The following CACNB2 variants were observed in gnomAD, a reference collection of about 807,000 sequenced individuals.
CACNB2 encodes voltage-dependent L-type calcium channel subunit beta-2.
A neutral mutation model predicts 73.3 loss-of-function variants in CACNB2; 42 were observed. The ratio of observed to expected loss-of-function variants is 0.57; its 90% CI spans 0.45 to 0.74. The LOEUF (loss-of-function observed/expected upper bound fraction) is 0.74. Among genes scored for constraint, CACNB2 ranks in the 30% least tolerant of loss-of-function variants. The pLI, the probability that CACNB2 is intolerant of heterozygous loss-of-function variation, is 0.00. For missense variants in CACNB2, 940 were observed against 853.0 expected (o/e 1.10, Z -1.27); for synonymous variants, 348 against 310.3 (o/e 1.12, Z -1.28).
intron 3 of CACNB2, among the ~76,000 whole-genome samples, chr10:18,470,752 G>A (rs150373360): frequency 0.017 from 2,583 of 152,204 alleles, 32 homozygotes; most frequent in Admixed American, 0.026. Context: ...CACCTGGTAG[G>A]CATTGAGATG....
At chr10:18,466,447 G>A (rs902587323) in intron 3 of CACNB2, among the ~76,000 whole-genome samples, 3 of 151,898 alleles carry the variant, frequency 2.0e-5, no homozygotes, top group Non-Finnish European at 4.4e-5. Context: ...TGCCCAGGCT[G>A]GTCTCAAACT....
rs546314953 is a variant in CACNB2 at position 18,287,641 on chromosome 10, A to G, written c.214-114283A>G. On this transcript the variant is annotated intron_variant, in intron 2 of 13. Transcript: ENST00000324631. Reference sequence around the variant, plus strand: ...CAAGGTGGACAGATCACCTGAGCCCAAGAGTTTAAGACCAGCCTAGGCAAC... The same window carrying G: ...CAAGGTGGACAGATCACCTGAGCCCGAGAGTTTAAGACCAGCCTAGGCAAC... 4.6e-5 allele frequency among the ~76,000 whole-genome samples: 7 copies of G among 152,338 alleles called. No individual in the cohort carries two copies. In the East Asian group the frequency reaches 1.4e-3, roughly 29 times the overall value.
At chr10:18,340,668 A>C in intron 2 of CACNB2, 1 of 1,380,572 alleles carries the variant, frequency 7.2e-7, no homozygotes, top group South Asian at 1.6e-5. Context: ...AGACCCTCCC[A>C]CTTGCGTTTG....
intron 2 of CACNB2, among the ~76,000 whole-genome samples, chr10:18,363,460 C>T (rs565570986): frequency 2.0e-5 from 3 of 152,318 alleles, no homozygotes; most frequent in Non-Finnish European, 2.9e-5. Flanking sequence ...CTCTGATCCT[C>T]AGTGCCATAT....
chr10:18,417,358 T>C, intron 3 of CACNB2, among the ~76,000 whole-genome samples: 1 of 100,222 alleles, frequency 1.0e-5, no homozygotes, highest in African/African-American at 3.3e-5. Flanking sequence ...GAGCTAAAAA[T>C]TCTTTTTTTT....
At chr10:18,465,935 C>G (rs552492833) in intron 3 of CACNB2, among the ~76,000 whole-genome samples, 2 of 152,324 alleles carry the variant, frequency 1.3e-5, no homozygotes, top group African/African-American at 4.8e-5. Context: ...CCTGCCTCAG[C>G]CTCCCAAAGT....
At chr10:18,154,858 C>T (rs767323189) in intron 2 of CACNB2, among the ~76,000 whole-genome samples, 42 of 152,296 alleles carry the variant, frequency 2.8e-4, no homozygotes, top group South Asian at 1.2e-3. Flanking sequence ...CAGCAGTCCG[C>T]AAGCTAAGGC....
Position 18,150,890 on chromosome 10 carries a change from G to C in CACNB2, c.128G>C (p.Gly43Ala). ...GALGAAAQSY[G>A]KGARRKNRFK... Reference sequence around the variant, plus strand: ...TTTTTTTTTTTTTTTTAGTCATATGGAAAAGGAGCCAGAAGGAAAAACAGA... The same window carrying C: ...TTTTTTTTTTTTTTTTAGTCATATGCAAAAGGAGCCAGAAGGAAAAACAGA... Residue 43 changes from glycine to alanine, a missense_variant, in exon 2 of 14, where the codon GGA (glycine) becomes GCA (alanine). Physicochemically the swap from Gly to Ala is moderately conservative, Grantham distance 60. Transcript: ENST00000324631. 1 of 643,562 alleles carries C rather than the reference G, an allele frequency of 1.6e-6. No individual in the cohort carries two copies. Among genetic ancestry groups the C allele is most frequent in the East Asian group, 5.2e-5 (1 of 19,362 alleles). The allele number at this position is 643,562 out of a possible 1,614,324, so 39.9% of individuals were successfully genotyped here.
At chr10:18,315,513 A>AAAC (rs1554791216) in intron 2 of CACNB2, among the ~76,000 whole-genome samples, 6 of 128,066 alleles carry the variant, frequency 4.7e-5, no homozygotes, top group Admixed American at 1.7e-4. Context: ...AAAAAAAAAA[A>AAAC]AAAAAAAAAA....
At chr10:18,208,954 G>A (rs1283216046) in intron 2 of CACNB2, among the ~76,000 whole-genome samples, 8 of 152,168 alleles carry the variant, frequency 5.3e-5, no homozygotes, top group African/African-American at 1.7e-4. Context: ...GCACATCATC[G>A]TTGGCATTTG....
At chr10:18,370,097 A>G (rs532244336) in intron 2 of CACNB2, among the ~76,000 whole-genome samples, 82 of 152,222 alleles carry the variant, frequency 5.4e-4, no homozygotes, top group African/African-American at 1.9e-3. Flanking sequence ...GCACTGTCCA[A>G]TATGGTTGCC....
chr10:18,450,793 T>A (rs1009815709), intron 3 of CACNB2, among the ~76,000 whole-genome samples: 1 of 152,074 alleles, frequency 6.6e-6, no homozygotes, highest in East Asian at 1.9e-4. Context: ...TGGCTAATTT[T>A]TGTTGCTGTT....
chr10:18,213,188 T>A (rs1225419923), intron 2 of CACNB2, among the ~76,000 whole-genome samples: 3 of 152,226 alleles, frequency 2.0e-5, no homozygotes, highest in Admixed American at 1.3e-4. Flanking sequence ...CCCCTGGGAC[T>A]GCTTTCCTTA....
intron 2 of CACNB2, among the ~76,000 whole-genome samples, chr10:18,178,634 A>G (rs904712321): frequency 2.0e-5 from 3 of 152,166 alleles, no homozygotes; most frequent in Non-Finnish European, 4.4e-5. Flanking sequence ...AGCATGGGTG[A>G]TAGAAACATC....
intron 3 of CACNB2, among the ~76,000 whole-genome samples, chr10:18,461,040 C>G (rs760635798): frequency 1.3e-5 from 2 of 152,132 alleles, no homozygotes; most frequent in Non-Finnish European, 2.9e-5. Context: ...AGCTATTCTC[C>G]TGCCTCAGCC....
At chr10:18,385,373 C>CG (rs1485236398) in intron 2 of CACNB2, among the ~76,000 whole-genome samples, 2 of 44,092 alleles carry the variant, frequency 4.5e-5, no homozygotes, top group Non-Finnish European at 1.0e-4. Context: ...TACCCCCCCC[C>CG]CTCGCCCCCC....
At chr10:18,183,604 C>T (rs374893283) in intron 2 of CACNB2, among the ~76,000 whole-genome samples, 7 of 152,216 alleles carry the variant, frequency 4.6e-5, no homozygotes, top group African/African-American at 1.7e-4. Flanking sequence ...TCTGGTGAGA[C>T]TTATTCAGTG....
chr10:18,485,771 T>C (rs1056350493), intron 3 of CACNB2, among the ~76,000 whole-genome samples: 6 of 151,696 alleles, frequency 4.0e-5, no homozygotes, highest in Non-Finnish European at 8.8e-5. Flanking sequence ...TCTACTAAAG[T>C]AGGTTTTCAC....
At chr10:18,151,752 G>A (rs2131036756) in intron 2 of CACNB2, among the ~76,000 whole-genome samples, 1 of 152,300 alleles carries the variant, frequency 6.6e-6, no homozygotes, top group African/African-American at 2.4e-5. Context: ...AGTAGGGGCA[G>A]AGCATGCAGC....
Sources: allele counts gnomAD v4.1 joint callset (sites outside exome capture counted in the v4.1 genomes callset), GRCh38; gene constraint gnomAD v4.1.1; transcripts MANE v1.5; gene names NCBI Gene and HGNC (gene_info 2026-07-23, HGNC 2026-07-21).